The following CFAP54 variants were observed in gnomAD, a reference collection of about 807,000 sequenced individuals.
CFAP54 encodes cilia- and flagella-associated protein 54.
CFAP54 carries 290 observed loss-of-function variants against 370.4 expected under a neutral mutation model. The observed-to-expected ratio is 0.78, with a 90% CI of 0.71 to 0.86. CFAP54 has a LOEUF of 0.86. Among genes scored for constraint, CFAP54 ranks in the 40% least tolerant of loss-of-function variants. The pLI is 0.00. For synonymous variants in CFAP54, 1,206 were observed against 1,236.5 expected (o/e 0.98, Z 0.52); for missense variants, 3,399 against 3,528.7 (o/e 0.96, Z 0.93).
intron 9 of CFAP54, among the ~76,000 whole-genome samples, chr12:96,528,796 A>G (rs1955410039): frequency 6.6e-6 from 1 of 152,022 alleles, no homozygotes; most frequent in South Asian, 2.1e-4. Context: ...TTTGCTCTTC[A>G]TTACTTCCTT....
Position 96,540,959 on chromosome 12 carries a change from C to A in CFAP54, c.2049C>A (p.Ser683Arg). The change falls in exon 14 of 68, where the codon AGC becomes AGA. Residue 683 changes from serine (S) to arginine (R), a missense_variant. This residue lies in a region of CFAP54 where 2,796 missense variants were observed against 2,869.7 expected (regional missense o/e 0.97). Coordinates refer to ENST00000524981, the MANE Select transcript of CFAP54 (RefSeq NM_001306084.2). ...RLSEILESLG[S>R]PGRKFKQSLD... The stretch of plus-strand genomic sequence containing the variant: ...GTGAAATATTGGAATCTTTAGGAAG[C>A]CCAGGAAGAAAATTTAAACAATCTC... The A allele has an allele frequency of 6.7e-7, 1 of 1,503,414 alleles. No individual in the cohort carries two copies. Among genetic ancestry groups the A allele is most frequent in the Non-Finnish European group, 8.8e-7 (1 of 1,134,872 alleles). The allele number at this position is 1,503,414 out of a possible 1,614,324, so 93.1% of individuals were successfully genotyped here.
chr12:96,603,561 C>T (rs1282425531), intron 26 of CFAP54, among the ~76,000 whole-genome samples: 5 of 152,224 alleles, frequency 3.3e-5, no homozygotes, highest in Non-Finnish European at 7.4e-5. Flanking sequence ...TTTCCAACTT[C>T]GTTCCATTCT....
chr12:96,772,691 C>T (rs1958475594), intron 60 of CFAP54, among the ~76,000 whole-genome samples: 1 of 151,308 alleles, frequency 6.6e-6, no homozygotes, highest in South Asian at 2.1e-4. Context: ...ATAATCTCGG[C>T]TCACTGCAAT....
intron 23 of CFAP54, among the ~76,000 whole-genome samples, chr12:96,591,492 A>C (rs1956123735): frequency 1.3e-5 from 2 of 151,930 alleles, no homozygotes; most frequent in African/African-American, 4.8e-5. Flanking sequence ...CAGCCAGTAG[A>C]GAGAGAGAGA....
intron 30 of CFAP54, among the ~76,000 whole-genome samples, chr12:96,629,866 A>G (rs1402994098): frequency 6.6e-6 from 1 of 152,138 alleles, no homozygotes; most frequent in Non-Finnish European, 1.5e-5. Context: ...CTATTATTCA[A>G]CATCTTCATT....
At chr12:96,832,721 A>G (rs1187957524) in intron 66 of CFAP54, among the ~76,000 whole-genome samples, 6 of 152,180 alleles carry the variant, frequency 3.9e-5, no homozygotes, top group Non-Finnish European at 1.5e-5. Flanking sequence ...GGAGAGGACA[A>G]ATGTTAAAGG....
At chr12:96,536,401 C>A (rs1990696) in intron 12 of CFAP54, among the ~76,000 whole-genome samples, 63,505 of 152,018 alleles carry the variant, frequency 0.42, 13,775 homozygotes, top group South Asian at 0.46. Flanking sequence ...AACTTTTGCC[C>A]AGGTAAGTGA....
intron 15 of CFAP54, among the ~76,000 whole-genome samples, chr12:96,551,485 ATGTGTGTGTGTGTG>A (rs10582056): frequency 8.3e-5 from 12 of 143,870 alleles, no homozygotes; most frequent in South Asian, 2.3e-4. Flanking sequence ...TTGAATGGGT[ATGTGTGTGTGTGTG>A]TGTGTGTGTG....
intron 66 of CFAP54, among the ~76,000 whole-genome samples, chr12:96,837,587 A>G (rs1959190308): frequency 6.6e-6 from 1 of 152,232 alleles, no homozygotes; most frequent in Non-Finnish European, 1.5e-5. Flanking sequence ...TTTTATTCTC[A>G]GTACTTTGCC....
At chr12:96,857,562 C>T (rs765049975) in intron 66 of CFAP54, among the ~76,000 whole-genome samples, 17 of 152,104 alleles carry the variant, frequency 1.1e-4, no homozygotes, top group Non-Finnish European at 2.4e-4. Flanking sequence ...AGGTTGATTC[C>T]ATGTTGATAT....
chr12:96,860,986 C>T (rs1035659646), intron 67 of CFAP54, 34 bp downstream of exon 67: 2 of 1,418,954 alleles, frequency 1.4e-6, no homozygotes, highest in East Asian at 2.7e-5. Flanking sequence ...GTTGTTGTTT[C>T]TCTTCATTTG....
chr12:96,680,090 A>G (rs1957253923), intron 40 of CFAP54, among the ~76,000 whole-genome samples: 1 of 152,188 alleles, frequency 6.6e-6, no homozygotes, highest in Non-Finnish European at 1.5e-5. Flanking sequence ...TCATAAGTAG[A>G]CGGATTGAAT....
At chr12:96,857,362 G>T (rs1036882915) in intron 66 of CFAP54, among the ~76,000 whole-genome samples, 1 of 152,094 alleles carries the variant, frequency 6.6e-6, no homozygotes, top group Non-Finnish European at 1.5e-5. Context: ...TCATAATTTA[G>T]CTTCCACTTG....
intron 66 of CFAP54, among the ~76,000 whole-genome samples, chr12:96,848,072 T>G (rs909557999): frequency 6.6e-6 from 1 of 152,190 alleles, no homozygotes; most frequent in Admixed American, 6.5e-5. Flanking sequence ...AATGTTATTT[T>G]TGTTTTGTTT....
intron 32 of CFAP54, among the ~76,000 whole-genome samples, chr12:96,639,158 T>G (rs1267030794): frequency 6.6e-6 from 1 of 151,952 alleles, no homozygotes; most frequent in Non-Finnish European, 1.5e-5. Context: ...TTTGAAAAGA[T>G]CAACAAAACT....
chr12:96,587,527 G>A (rs1183478347), intron 22 of CFAP54, among the ~76,000 whole-genome samples: 1 of 152,056 alleles, frequency 6.6e-6, no homozygotes, highest in African/African-American at 2.4e-5. Flanking sequence ...CCAGGACCAG[G>A]TTAACCATTT....
chr12:96,555,292 G>GCAT (rs1271356384), intron 17 of CFAP54, among the ~76,000 whole-genome samples: 1 of 152,052 alleles, frequency 6.6e-6, no homozygotes, highest in Admixed American at 6.6e-5. Flanking sequence ...GGCGTGTAAA[G>GCAT]CATTCAAATA....
chr12:96,651,684 G>C lies in CFAP54; in HGVS notation c.4969G>C (p.Ala1657Pro), dbSNP rs1394113976. ...TQELQILLKQ[A>P]VDLDKTFPIS... ...GGAACTACAAATACTTCTTAAACAG[G>C]CAGTGGATCTTGATAAAACATTTCC... The change falls in exon 36 of 68, where the codon GCA becomes CCA. Residue 1657 changes from alanine (A) to proline (P), a missense_variant. This residue lies in a region of CFAP54 where 2,796 missense variants were observed against 2,869.7 expected (regional missense o/e 0.97). Coordinates refer to ENST00000524981, the MANE Select transcript of CFAP54 (RefSeq NM_001306084.2). The C allele has an allele frequency of 6.2e-7, 1 of 1,613,900 alleles. No individual in the cohort carries two copies. Among genetic ancestry groups the C allele is most frequent in the African/African-American group, 1.3e-5 (1 of 74,898 alleles).
chr12:96,637,709 G>A (rs954434203), intron 32 of CFAP54, among the ~76,000 whole-genome samples: 5 of 152,136 alleles, frequency 3.3e-5, no homozygotes, highest in African/African-American at 1.2e-4. Context: ...TAACCAAAAA[G>A]ATTCTATACA....
Sources: gnomAD v4.1 joint callset for allele counts (sites outside exome capture counted in the v4.1 genomes callset) on GRCh38, gnomAD v4.1.1 for gene constraint, gnomAD v4.1.1 regional missense constraint, MANE v1.5 for transcripts, NCBI Gene and HGNC (gene_info 2026-07-23, HGNC 2026-07-21) for gene names.